SETBP1: variants seen among roughly 807,000 people sequenced by gnomAD.
SETBP1 encodes the protein SET binding protein 1.
A neutral mutation model predicts 101.0 loss-of-function variants in SETBP1; 9 were observed. The ratio of observed to expected loss-of-function variants is 0.09; its 90% confidence interval spans 0.05 to 0.16. The LOEUF (loss-of-function observed/expected upper bound fraction) is 0.16. Ranked by LOEUF, SETBP1 falls within the 10% of genes least tolerant of loss-of-function variation. The pLI is 1.00. For missense variants in SETBP1, 1,858 were observed against 2,033.8 expected (o/e 0.91, Z 1.66); for synonymous variants, 818 against 788.5 (o/e 1.04, Z -0.63).
At position 44,785,666 on chromosome 18, in the gene SETBP1, C is replaced by T. The variant is rs75095474; in HGVS notation, c.487-83564C>T. On this transcript the variant is annotated intron_variant, in intron 2 of 5. Transcript: ENST00000649279. ...TGTTATTAATCTGTCATTTTAAGAC[C>T]ATTGTTCCATCTCCTTGCTGATTTT... Among the ~76,000 whole-genome samples, 1,346 of 152,264 alleles carry T rather than the reference C, an allele frequency of 8.8e-3. 16 individuals are homozygous for T. Among genetic ancestry groups the T allele is most frequent in the African/African-American group, 0.031 (1,304 of 41,542 alleles).
intron 2 of SETBP1, among the ~76,000 whole-genome samples, chr18:44,842,024 T>C (rs981641923): frequency 5.9e-5 from 9 of 152,270 alleles, no homozygotes; most frequent in African/African-American, 9.6e-5. Flanking sequence ...GGTGACATGC[T>C]GCCTCCCTGG....
At position 44,722,301 on chromosome 18, in the gene SETBP1, G is replaced by A. The variant is rs573828560; in HGVS notation, c.486+20469G>A. Among the ~76,000 whole-genome samples, 16 of 152,234 alleles carry A rather than the reference G, an allele frequency of 1.1e-4. No individual in the cohort carries two copies. The East Asian group carries it at 1.2e-3, about 11-fold the overall frequency. On this transcript the variant is annotated intron_variant, in intron 2 of 5. Transcript: ENST00000649279. ...ATATTCCTAGTCACCATCTCCGGTCGCCTTTTTGTGCCCCCTTCCCTTGCT... is the reference window on the plus strand; with the variant it reads ...ATATTCCTAGTCACCATCTCCGGTCACCTTTTTGTGCCCCCTTCCCTTGCT...
intron 2 of SETBP1, among the ~76,000 whole-genome samples, chr18:44,716,970 C>T (rs559210995): frequency 1.6e-4 from 25 of 152,308 alleles, no homozygotes; most frequent in African/African-American, 5.8e-4. Context: ...CTTAGAGGAG[C>T]TGAGAACTTT....
Position 44,950,441 on chromosome 18 carries a change from G to A in SETBP1, c.1101G>A (p.Gly367=). 2 of 1,614,144 alleles carry A rather than the reference G, an allele frequency of 1.2e-6. No homozygotes were observed. The highest frequency in any genetic ancestry group is 1.7e-6 in the Non-Finnish European group (2 of 1,180,044). ...NAQKAFDNTE[G]KREGYSADSA... is the part of the protein sequence containing the mutation. ...AGAAAGCATTTGACAATACAGAAGG[G>A]AAAAGGGAAGGTTATTCCGCAGATA... The change falls in exon 4 of 6, where the codon GGG becomes GGA. Residue 367 remains glycine, a synonymous_variant. Coordinates refer to ENST00000649279, the MANE Select transcript of SETBP1 (RefSeq NM_015559.3).
At chr18:45,014,421 C>T (rs2072901648) in intron 4 of SETBP1, among the ~76,000 whole-genome samples, 1 of 152,344 alleles carries the variant, frequency 6.6e-6, no homozygotes, top group African/African-American at 2.4e-5. Flanking sequence ...ATTCAGATTA[C>T]ATCCTCCTGC....
chr18:44,873,898 A>G (rs1362070061), intron 3 of SETBP1, among the ~76,000 whole-genome samples: 1 of 152,226 alleles, frequency 6.6e-6, no homozygotes, highest in Non-Finnish European at 1.5e-5. Context: ...AAAAAAGCCC[A>G]CATTTGTAGC....
chr18:44,859,192 G>T (rs2073030469), intron 2 of SETBP1, among the ~76,000 whole-genome samples: 1 of 152,190 alleles, frequency 6.6e-6, no homozygotes, highest in Admixed American at 6.5e-5. Context: ...CCCAGATTTA[G>T]GAATGAAACT....
intron 3 of SETBP1, among the ~76,000 whole-genome samples, chr18:44,878,965 C>T (rs911721514): frequency 6.6e-6 from 1 of 152,090 alleles, no homozygotes; most frequent in Non-Finnish European, 1.5e-5. Flanking sequence ...TGGATATTTC[C>T]CTGATAGTGG....
chr18:44,845,968 T>A (rs1240418698), intron 2 of SETBP1, among the ~76,000 whole-genome samples: 1 of 152,228 alleles, frequency 6.6e-6, no homozygotes, highest in Admixed American at 6.5e-5. Context: ...TGGCTTTCCT[T>A]CTGTGCCTAG....
intron 2 of SETBP1, among the ~76,000 whole-genome samples, chr18:44,758,982 T>C (rs1023367762): frequency 6.6e-6 from 1 of 152,202 alleles, no homozygotes; most frequent in Non-Finnish European, 1.5e-5. Flanking sequence ...TGGCCCGTGG[T>C]CTACACCCAA....
At chr18:44,744,783 C>CAA (rs72462551) in intron 2 of SETBP1, among the ~76,000 whole-genome samples, 2,993 of 134,992 alleles carry the variant, frequency 0.022, 105 homozygotes, top group African/African-American at 0.074. Context: ...AAAAAAAAAA[C>CAA]AAAAAAAAAA....
chr18:44,885,864 AAAAAC>A (rs1171390933), intron 3 of SETBP1, among the ~76,000 whole-genome samples: 1 of 127,578 alleles, frequency 7.8e-6, no homozygotes, highest in Non-Finnish European at 1.7e-5. Flanking sequence ...AAACAAAAAA[AAAAAC>A]AAGGTGACTT....
rs116552778 is a variant in SETBP1 at position 44,911,082 on chromosome 18, T to A, written c.541-38799T>A. ...AAGGAAAAGTGAGAAACAGTTTCCA[T>A]AAAATAAAAAGACCATTGGACCTGG... On this transcript the variant is annotated intron_variant, in intron 3 of 5. Coordinates refer to ENST00000649279, the MANE Select transcript of SETBP1 (RefSeq NM_015559.3). Among the ~76,000 whole-genome samples the A allele has an allele frequency of 2.3e-3, 343 of 152,274 alleles. 2 individuals are homozygous for A. Among genetic ancestry groups the A allele is most frequent in the African/African-American group, 7.2e-3 (301 of 41,550 alleles).
At chr18:44,828,990 C>G (rs1462160234) in intron 2 of SETBP1, among the ~76,000 whole-genome samples, 2 of 152,196 alleles carry the variant, frequency 1.3e-5, no homozygotes, top group Non-Finnish European at 2.9e-5. Flanking sequence ...TTTAGCCACC[C>G]AGTCTGTGGT....
chr18:44,697,210 A>C (rs1252380431), intron 1 of SETBP1: 1 of 152,256 alleles, frequency 6.6e-6, no homozygotes, highest in Non-Finnish European at 1.5e-5. Context: ...GCAGGGCTGA[A>C]TCACAAGAGG....
chr18:44,917,377 G>A (rs1023053211), intron 3 of SETBP1, among the ~76,000 whole-genome samples: 9 of 152,192 alleles, frequency 5.9e-5, no homozygotes, highest in Admixed American at 6.5e-5. Flanking sequence ...ATATTTGGGA[G>A]TGTTTCCAGC....
chr18:44,876,887 A>G lies in SETBP1; in HGVS notation c.540+7604A>G, dbSNP rs185523127. 3.2e-4 allele frequency: 439 copies of G among 1,392,768 alleles called. No individual in the cohort carries two copies. In the Middle Eastern group the frequency reaches 7.6e-3, roughly 24 times the overall value. The allele number at this position is 1,392,768 out of a possible 1,614,324, so 86.3% of individuals were successfully genotyped here. ...TTATGATCTTCTCTGCCTGCTAGCT[A>G]GACATTCTCTCTGGGTCTAAAAGAT... is the stretch of plus-strand genomic sequence containing the variant. On this transcript the variant is annotated intron_variant, in intron 3 of 5. Coordinates refer to ENST00000649279, the MANE Select transcript of SETBP1 (RefSeq NM_015559.3).
chr18:44,685,373 C>A (rs1385402243), intron 1 of SETBP1, among the ~76,000 whole-genome samples: 1 of 152,182 alleles, frequency 6.6e-6, no homozygotes, highest in African/African-American at 2.4e-5. Context: ...CTTGATTCTC[C>A]TAAGGAGGAA....
At chr18:44,833,182 G>T (rs1275086833) in intron 2 of SETBP1, among the ~76,000 whole-genome samples, 3 of 152,230 alleles carry the variant, frequency 2.0e-5, no homozygotes, top group African/African-American at 7.2e-5. Context: ...CAAAATCTCA[G>T]GCCTCACCTG....
Sources: gnomAD v4.1 joint callset for allele counts (sites outside exome capture counted in the v4.1 genomes callset) on GRCh38, gnomAD v4.1.1 for gene constraint, MANE v1.5 for transcripts, NCBI Gene and HGNC (gene_info 2026-07-23, HGNC 2026-07-21) for gene names.